NEDD4: variants seen among roughly 807,000 people sequenced by gnomAD.
The protein encoded by NEDD4 is NEDD4 E3 ubiquitin protein ligase.
NEDD4 carries 99 observed loss-of-function variants against 144.9 expected under a neutral mutation model. The ratio of observed to expected loss-of-function variants is 0.68; its 90% CI spans 0.58 to 0.81. The LOEUF is 0.81. Among genes scored for constraint, NEDD4 ranks in the 30% least tolerant of loss-of-function variants. The pLI is 0.00. For missense variants in NEDD4, 985 were observed against 1,065.9 expected, an observed-to-expected ratio of 0.92 and a Z score of 1.06; for synonymous variants, 318 against 350.6, an observed-to-expected ratio of 0.91 and a Z score of 1.04.
intron 4 of NEDD4, among the ~76,000 whole-genome samples, chr15:55,935,745 G>C (rs2036875685): frequency 2.0e-5 from 3 of 151,302 alleles, no homozygotes; most frequent in South Asian, 2.1e-4. Context: ...TACTCGGGAG[G>C]CTGCGGCAGG....
intron 24 of NEDD4, among the ~76,000 whole-genome samples, chr15:55,835,942 A>C (rs2033171205): frequency 6.6e-6 from 1 of 151,820 alleles, no homozygotes; most frequent in Non-Finnish European, 1.5e-5. Context: ...AAAACTCCGA[A>C]CTCTACCACT....
At chr15:55,947,605 T>C (rs1017842472) in intron 4 of NEDD4, among the ~76,000 whole-genome samples, 9 of 151,968 alleles carry the variant, frequency 5.9e-5, no homozygotes, top group Non-Finnish European at 1.3e-4. Flanking sequence ...TTATCCACCA[T>C]GATCAAGTGG....
At chr15:55,838,941 C>T (rs1383613685) in intron 21 of NEDD4, among the ~76,000 whole-genome samples, 2 of 152,144 alleles carry the variant, frequency 1.3e-5, no homozygotes, top group Non-Finnish European at 2.9e-5. Flanking sequence ...CAGATAAAAC[C>T]TAACTTCTCT....
At chr15:55,841,685 C>T (rs891306831) in intron 19 of NEDD4, among the ~76,000 whole-genome samples, 11 of 151,976 alleles carry the variant, frequency 7.2e-5, no homozygotes, top group Non-Finnish European at 1.5e-4. Context: ...CATTCTCCTG[C>T]CTCAGCCTCC....
chr15:55,906,395 A>G (rs200895510), intron 5 of NEDD4, among the ~76,000 whole-genome samples: 1 of 152,332 alleles, frequency 6.6e-6, no homozygotes, highest in East Asian at 1.9e-4. Flanking sequence ...ATGTCCATCA[A>G]TGATAGACTG....
rs2034188223 is a variant in NEDD4 at position 55,856,199 on chromosome 15, T to C, written c.961-3A>G. The C allele has an allele frequency of 6.2e-7, 1 of 1,609,922 alleles. No individual in the cohort carries two copies. The highest frequency in any genetic ancestry group is 1.1e-5 in the South Asian group (1 of 90,028). ...CTGCCTCTTCTGCTGGAATGATTCTTGTGAAAAAACAAGACAACAGAAGAA... is the reference window on the plus strand; with the variant it reads ...CTGCCTCTTCTGCTGGAATGATTCTCGTGAAAAAACAAGACAACAGAAGAA... On this transcript the variant is annotated splice_polypyrimidine_tract_variant and splice_region_variant and intron_variant, in intron 11 of 28. Transcript: ENST00000435532.
rs188230093 is a variant in NEDD4, at chr15:55,990,736, G to A, written c.45+2775C>T. ...TCCCACCTCCATATCACAGGGAGGT[G>A]CATGGGAAGGAGGTGGGAAGTGATG... On this transcript the variant is annotated intron_variant, in intron 1 of 28. Coordinates refer to ENST00000435532, the MANE Select transcript of NEDD4 (RefSeq NM_006154.4). Among the ~76,000 whole-genome samples, 19 of 152,244 alleles carry A rather than the reference G, an allele frequency of 1.2e-4. 1 individual carries two copies. In the East Asian group the frequency reaches 3.5e-3, roughly 28 times the overall value.
intron 4 of NEDD4, among the ~76,000 whole-genome samples, chr15:55,932,927 T>C (rs2036811312): frequency 6.6e-6 from 1 of 152,172 alleles, no homozygotes; most frequent in Non-Finnish European, 1.5e-5. Flanking sequence ...AAAATGCTCA[T>C]CATCACTGGC....
intron 1 of NEDD4, among the ~76,000 whole-genome samples, chr15:55,978,466 C>A (rs1342707814): frequency 6.6e-6 from 1 of 152,126 alleles, no homozygotes; most frequent in Non-Finnish European, 1.5e-5. Context: ...TGTAATCTCT[C>A]ACATGTTTGA....
intron 1 of NEDD4, among the ~76,000 whole-genome samples, chr15:55,973,207 T>C (rs1266654922): frequency 1.3e-5 from 2 of 152,218 alleles, no homozygotes; most frequent in East Asian, 3.8e-4. Context: ...ATATGGATCA[T>C]TCTCAAGGAT....
intron 5 of NEDD4, chr15:55,924,429 T>C (rs1191586586): frequency 1.9e-6 from 1 of 522,778 alleles, no homozygotes; most frequent in African/African-American, 1.9e-5. Context: ...TTATAATATG[T>C]TGGCAATCAG....
At chr15:55,841,108 AT>A (rs2033482561) in intron 19 of NEDD4, among the ~76,000 whole-genome samples, 1 of 152,066 alleles carries the variant, frequency 6.6e-6, no homozygotes, top group African/African-American at 2.4e-5. Flanking sequence ...TAATTTTTGT[AT>A]TTTTAGTAGA....
intron 5 of NEDD4, chr15:55,916,978 G>A: frequency 7.2e-7 from 1 of 1,381,462 alleles, no homozygotes; most frequent in Non-Finnish European, 9.3e-7. Context: ...TTTATCCTAA[G>A]TAAAACATTA....
At chr15:55,984,071 C>A (rs759254962) in intron 1 of NEDD4, among the ~76,000 whole-genome samples, 7 of 152,134 alleles carry the variant, frequency 4.6e-5, no homozygotes, top group Non-Finnish European at 7.3e-5. Context: ...GTGCCTGATA[C>A]ATAGTGTTCA....
At chr15:55,993,384 G>A in intron 1 of NEDD4, 127 bp downstream of exon 1, 1 of 1,239,710 alleles carries the variant, frequency 8.1e-7, no homozygotes, top group Middle Eastern at 2.7e-4. Context: ...GCGCTCCCCA[G>A]GCTCGCGCCG....
chr15:55,868,743 CTGAATAAA>C (rs1489180045), intron 8 of NEDD4, among the ~76,000 whole-genome samples: 1 of 152,186 alleles, frequency 6.6e-6, no homozygotes, highest in African/African-American at 2.4e-5. Flanking sequence ...AACACAGCTA[CTGAATAAA>C]TGATACTTCT....
At chr15:55,894,157 C>A (rs1181176399) in intron 5 of NEDD4, among the ~76,000 whole-genome samples, 1 of 152,066 alleles carries the variant, frequency 6.6e-6, no homozygotes, top group Non-Finnish European at 1.5e-5. Context: ...TCTGGTAGAT[C>A]TGACTATAAG....
At chr15:55,833,241 T>A (rs1288354980) in intron 26 of NEDD4, 137 bp from the exon 27 acceptor site, 2 of 598,252 alleles carry the variant, frequency 3.3e-6, no homozygotes, top group East Asian at 5.5e-5. Context: ...GTTAAATTTT[T>A]GTTTATAGAT....
In NEDD4 at chr15:55,964,648, C is replaced by G. The variant is rs555238818; in HGVS notation, c.119+1825G>C. ...AAGTTTTGGAGACTGAATTTTGCTGCTGGTGTGTGTGTGTGTGTGTGTGTG... is the reference window on the plus strand; with the variant it reads ...AAGTTTTGGAGACTGAATTTTGCTGGTGGTGTGTGTGTGTGTGTGTGTGTG... On this transcript the variant is annotated intron_variant, in intron 2 of 28. Coordinates refer to ENST00000435532, the MANE Select transcript of NEDD4 (RefSeq NM_006154.4). 6.2e-3 allele frequency among the ~76,000 whole-genome samples: 492 copies of G among 79,644 alleles called. 3 individuals are homozygous for G. The highest frequency in any genetic ancestry group is 0.027 in the African/African-American group (473 of 17,646). 52.2% of individuals were successfully genotyped at this position (79,644 alleles called of 152,430 possible).
Sources: allele counts gnomAD v4.1 joint callset (sites outside exome capture counted in the v4.1 genomes callset), GRCh38; gene constraint gnomAD v4.1.1; transcripts MANE v1.5; gene names NCBI Gene and HGNC (gene_info 2026-07-23, HGNC 2026-07-21).